KIAA1549: variants seen among roughly 807,000 people sequenced by gnomAD.
KIAA1549 encodes the protein UPF0606 protein KIAA1549.
In KIAA1549, 70 loss-of-function variants were observed where a neutral mutation model predicts 156.4. The observed-to-expected ratio is 0.45, with a 90% confidence interval of 0.37 to 0.55. The LOEUF is 0.55. Among genes scored for constraint, KIAA1549 ranks in the 20% least tolerant of loss-of-function variants. KIAA1549 has a pLI of 0.00. For synonymous variants in KIAA1549, 1,103 were observed against 1,066.4 expected (o/e 1.03, Z -0.67); for missense variants, 2,428 against 2,540.9 (o/e 0.96, Z 0.96).
chr7:138,920,981 C>A (rs142474271), intron 1 of KIAA1549, among the ~76,000 whole-genome samples: 1 of 152,108 alleles, frequency 6.6e-6, no homozygotes, highest in African/African-American at 2.4e-5. Flanking sequence ...GTAAGGGGAA[C>A]GTGCTGAATC....
intron 16 of KIAA1549, 41 bp downstream of exon 16, chr7:138,861,098 A>G (rs1021765919): frequency 1.3e-6 from 2 of 1,599,096 alleles, no homozygotes; most frequent in African/African-American, 1.3e-5. Context: ...CAAAGCTTCA[A>G]CATCTTGCCC....
In KIAA1549 at chr7:138,971,341, T is replaced by G. The variant is rs1470533226; in HGVS notation, c.187+9742A>C. Among the ~76,000 whole-genome samples, 3 of 152,184 alleles carry G rather than the reference T, an allele frequency of 2.0e-5. No individual in the cohort carries two copies. In the East Asian group the frequency reaches 5.8e-4, roughly 29 times the overall value. Reference sequence around the variant, plus strand: ...CAATAGACCCATACTCCCCCATACATCTCTGTCCCCAGACAAGCCACCTGT... The same window carrying G: ...CAATAGACCCATACTCCCCCATACAGCTCTGTCCCCAGACAAGCCACCTGT... On this transcript the variant is annotated intron_variant, in intron 1 of 19. Coordinates refer to ENST00000422774, the MANE Select transcript of KIAA1549 (RefSeq NM_001164665.2).
At chr7:138,948,393 C>T (rs1328805153) in intron 1 of KIAA1549, among the ~76,000 whole-genome samples, 3 of 152,122 alleles carry the variant, frequency 2.0e-5, no homozygotes, top group African/African-American at 7.2e-5. Flanking sequence ...AGCAAATGCC[C>T]AGGCTAGCCA....
rs1161897662 is a variant in KIAA1549 at position 138,917,176 on chromosome 7, G to A, written c.2450C>T (p.Ala817Val). ...TLTPPDDQIS[A>V]LDGHVSVLAS... Reference sequence around the variant, plus strand: ...CAGGACAGACACGTGACCGTCTAGAGCACTGATTTGGTCGTCAGGAGGTGT... The same window carrying A: ...CAGGACAGACACGTGACCGTCTAGAACACTGATTTGGTCGTCAGGAGGTGT... Residue 817 changes from alanine (A) to valine (V), a missense_variant, in exon 2 of 20, where the codon GCT (alanine) becomes GTT (valine). Ala to Val is a moderately conservative substitution (Grantham distance 64). Around this residue, in one of 5 missense-constraint regions of KIAA1549, gnomAD observed 762 missense variants for 901.6 expected, o/e 0.85. Coordinates refer to ENST00000422774, the MANE Select transcript of KIAA1549 (RefSeq NM_001164665.2). The A allele has an allele frequency of 1.9e-6, 3 of 1,613,854 alleles. No homozygotes were observed. Among genetic ancestry groups the A allele is most frequent in the Non-Finnish European group, 2.5e-6 (3 of 1,179,902 alleles).
Position 138,918,318 on chromosome 7 carries a change from G to A in KIAA1549, c.1308C>T (p.Ser436=), listed in dbSNP as rs752094357. The part of the protein sequence containing the change: ...VPSPQQVLAT[S]LMEKDVGSGD... ...CTGATCCCACGTCTTTCTCCATGAG[G>A]CTCGTGGCCAGAACTTGCTGAGGTG... Residue 436 remains serine (S), a synonymous_variant, in exon 2 of 20, where the codon AGC becomes AGT. Transcript: ENST00000422774. This position sits in a 1 kb window ranked among gnomAD's most constrained non-coding sequence, Gnocchi z 4.2. 7 of 1,614,016 alleles carry A rather than the reference G, an allele frequency of 4.3e-6. No individual in the cohort carries two copies. Among genetic ancestry groups the A allele is most frequent in the Admixed American group, 1.7e-5 (1 of 60,028 alleles).
At chr7:138,950,544 T>C (rs1270141346) in intron 1 of KIAA1549, among the ~76,000 whole-genome samples, 1 of 152,204 alleles carries the variant, frequency 6.6e-6, no homozygotes, top group Non-Finnish European at 1.5e-5. Flanking sequence ...TAGGGGACTC[T>C]TGTCATTTAA....
chr7:138,940,062 C>T (rs527770624), intron 1 of KIAA1549, among the ~76,000 whole-genome samples: 14 of 152,148 alleles, frequency 9.2e-5, no homozygotes, highest in South Asian at 8.3e-4. Flanking sequence ...ATGTGCACAA[C>T]GTGCAGGTTT....
chr7:138,939,152 T>C (rs1171668301), intron 1 of KIAA1549, among the ~76,000 whole-genome samples: 17 of 152,220 alleles, frequency 1.1e-4, no homozygotes, highest in Admixed American at 1.1e-3. Context: ...CCAGACATCA[T>C]TAATTTCTGT....
At chr7:138,882,754 G>T (rs1020578948) in intron 10 of KIAA1549, among the ~76,000 whole-genome samples, 1 of 152,114 alleles carries the variant, frequency 6.6e-6, no homozygotes, top group Non-Finnish European at 1.5e-5. Flanking sequence ...CTAGAAAGAA[G>T]TAGTCAAAAG....
At chr7:138,862,309 A>G (rs150403447) in intron 15 of KIAA1549, among the ~76,000 whole-genome samples, 105 of 152,148 alleles carry the variant, frequency 6.9e-4, no homozygotes, top group African/African-American at 2.4e-3. Context: ...AGACTAACCT[A>G]GGCAACATAG....
chr7:138,976,726 G>A (rs558905932), intron 1 of KIAA1549, among the ~76,000 whole-genome samples: 3 of 152,290 alleles, frequency 2.0e-5, no homozygotes, highest in Middle Eastern at 3.4e-3. Context: ...GATAAGGAGG[G>A]ACTACTATAT....
chr7:138,881,907 C>A lies in KIAA1549; in HGVS notation c.4033-323G>T, dbSNP rs754714346. Among the ~76,000 whole-genome samples the A allele has an allele frequency of 2.4e-4, 36 of 152,118 alleles. 1 individual carries two copies. The highest frequency in any genetic ancestry group is 4.9e-4 in the Non-Finnish European group (33 of 68,026). On this transcript the variant is annotated intron_variant, in intron 10 of 19. Coordinates refer to ENST00000422774, the MANE Select transcript of KIAA1549 (RefSeq NM_001164665.2). ...TAGGGTAATGGGGACCAAAGCCAGG[C>A]CTTGAGAACAGACAGGACTTGGAAA... is the stretch of plus-strand genomic sequence containing the variant.
intron 5 of KIAA1549, 84 bp downstream of exon 5, chr7:138,908,907 G>T: frequency 6.5e-7 from 1 of 1,529,624 alleles, no homozygotes. Context: ...GAGGGAATAA[G>T]AGTTAAGCAC....
chr7:138,861,547 T>C, intron 15 of KIAA1549, 91 bp from the exon 16 acceptor site: 2 of 1,056,138 alleles, frequency 1.9e-6, no homozygotes, highest in Middle Eastern at 2.0e-4. Flanking sequence ...AGTTCTATCA[T>C]AAGAATTAAA....
chr7:138,981,173 A>G lies in KIAA1549; in HGVS notation c.97T>C (p.Ser33Pro), dbSNP rs920121662. Residue 33 changes from serine (S) to proline (P), a missense_variant, in exon 1 of 20, where the codon TCC becomes CCC. This residue lies in a region of KIAA1549 where 893 missense variants were observed against 847.9 expected (regional missense o/e 1.05). Coordinates refer to ENST00000422774, the MANE Select transcript of KIAA1549 (RefSeq NM_001164665.2). The surrounding 1 kb of genome is among the most constrained non-coding windows in gnomAD (Gnocchi z 4.5). The stretch of plus-strand genomic sequence containing the variant: ...CGGCGGCGGCGGGCGCAGCGGGCGG[A>G]AGGCCGTCGGCCGCTCGGCCCCGGG... ...LAPGPSGRRP[S>P]ARCARRRRPG... 3 of 1,157,234 alleles carry G rather than the reference A, an allele frequency of 2.6e-6. No homozygotes were observed. The African/African-American group carries it at 4.9e-5, about 19-fold the overall frequency. 71.7% of individuals were successfully genotyped at this position (1,157,234 alleles called of 1,614,324 possible). A position where few individuals can be genotyped will look rare whatever the true frequency, so the allele number is the denominator to read the frequency against.
intron 1 of KIAA1549, among the ~76,000 whole-genome samples, chr7:138,970,923 G>C (rs1340362294): frequency 9.8e-6 from 1 of 102,028 alleles, no homozygotes; most frequent in Non-Finnish European, 2.0e-5. Flanking sequence ...AGTGATGAAG[G>C]GTTCCTTCCT....
intron 17 of KIAA1549, among the ~76,000 whole-genome samples, chr7:138,848,407 T>G (rs1002957940): frequency 6.6e-6 from 1 of 152,248 alleles, no homozygotes; most frequent in African/African-American, 2.4e-5. Context: ...TACCACCTGC[T>G]GTATCTATTG....
intron 1 of KIAA1549, among the ~76,000 whole-genome samples, chr7:138,958,116 G>A (rs887215235): frequency 7.9e-5 from 12 of 152,188 alleles, no homozygotes; most frequent in Admixed American, 2.0e-4. Flanking sequence ...CTGGATACAT[G>A]CACGTTAATG....
chr7:138,976,470 C>T (rs1814382651), intron 1 of KIAA1549, among the ~76,000 whole-genome samples: 1 of 152,216 alleles, frequency 6.6e-6, no homozygotes. Flanking sequence ...CGGAGGACAA[C>T]TGCAGTTTGA....
Sources: allele counts gnomAD v4.1 joint callset (sites outside exome capture counted in the v4.1 genomes callset), GRCh38; gene constraint gnomAD v4.1.1; regional missense constraint gnomAD v4.1.1; non-coding constraint Gnocchi (gnomAD v3.1); transcripts MANE v1.5; gene names NCBI Gene and HGNC (gene_info 2026-07-23, HGNC 2026-07-21).